COL11A1: variants seen among roughly 807,000 people sequenced by gnomAD.
The protein encoded by COL11A1 is collagen alpha-1(XI) chain.
COL11A1 carries 74 observed loss-of-function variants against 265.2 expected under a neutral mutation model. That is an observed-to-expected ratio of 0.28 (90% CI 0.23 to 0.34). The LOEUF is 0.34. Among genes scored for constraint, COL11A1 ranks in the 10% least tolerant of loss-of-function variants. The pLI is 1.00. For missense variants in COL11A1, 2,165 were observed against 2,263.6 expected, an observed-to-expected ratio of 0.96 and a Z score of 0.88; for synonymous variants, 816 against 727.6, an observed-to-expected ratio of 1.12 and a Z score of -1.96.
chr1:102,926,195 C>G (rs1008798876), intron 46 of COL11A1, among the ~76,000 whole-genome samples: 2 of 152,098 alleles, frequency 1.3e-5, no homozygotes, highest in African/African-American at 4.8e-5. Flanking sequence ...GAACTAAACA[C>G]TCTGAAAAGC....
intron 35 of COL11A1, among the ~76,000 whole-genome samples, chr1:102,976,289 C>CTTTTTTTTTTTTTTTTCTTTTTTTTTTTT (rs1662467180): frequency 1.7e-5 from 1 of 58,578 alleles, no homozygotes; most frequent in Non-Finnish European, 3.2e-5. Context: ...AAAACGTTGG[C>CTTTTTTTTTTTTTTTTCTTTTTTTTTTTT]TTTTTTTTTT....
chr1:103,095,615 A>T (rs1673691995), intron 1 of COL11A1, among the ~76,000 whole-genome samples: 1 of 152,060 alleles, frequency 6.6e-6, no homozygotes, highest in Non-Finnish European at 1.5e-5. Context: ...AATATGTCTC[A>T]ACAAAGGGAT....
In COL11A1 at chr1:102,998,377, A is replaced by G; in HGVS notation, c.2143-14T>C. On this transcript the variant is annotated splice_polypyrimidine_tract_variant and intron_variant, in intron 24 of 66. Transcript: ENST00000370096. ...TCCTTGTGGTCCCTTATAGAGAAAA[A>G]AAAAATATTAAAAAGATAAAAATAA... The G allele has an allele frequency of 6.5e-7, 1 of 1,528,096 alleles. No homozygotes were observed. Among genetic ancestry groups the G allele is most frequent in the Non-Finnish European group, 8.8e-7 (1 of 1,135,296 alleles). The allele number at this position is 1,528,096 out of a possible 1,614,324, so 94.7% of individuals were successfully genotyped here. A position where few individuals can be genotyped will look rare whatever the true frequency, so the allele number is the denominator to read the frequency against.
chr1:103,071,234 T>C (rs1273470182), intron 4 of COL11A1, among the ~76,000 whole-genome samples: 1 of 149,452 alleles, frequency 6.7e-6, no homozygotes, highest in African/African-American at 2.4e-5. Flanking sequence ...TGCAATAATC[T>C]GTTTTGATTA....
chr1:102,921,179 G>A (rs1655951924), intron 48 of COL11A1, among the ~76,000 whole-genome samples: 1 of 152,260 alleles, frequency 6.6e-6, no homozygotes, highest in African/African-American at 2.4e-5. Flanking sequence ...CTGTTAACAA[G>A]TGCATAAGAG....
chr1:103,004,588 G>T lies in COL11A1; in HGVS notation c.1899+20C>A. ...TGTTTTAATTTTAAATATTTCTTAAGAAAAGAAGTATTAACATACCCTCAT... is the reference window on the plus strand; with the variant it reads ...TGTTTTAATTTTAAATATTTCTTAATAAAAGAAGTATTAACATACCCTCAT... On this transcript the variant is annotated intron_variant, in intron 19 of 66. Coordinates refer to ENST00000370096, the MANE Select transcript of COL11A1 (RefSeq NM_001854.4). The T allele has an allele frequency of 6.3e-7, 1 of 1,598,494 alleles. No individual in the cohort carries two copies. Among genetic ancestry groups the T allele is most frequent in the Non-Finnish European group, 8.5e-7 (1 of 1,170,410 alleles).
In COL11A1 at chr1:103,108,136, A is replaced by T. The variant is rs774767622; in HGVS notation, c.43T>A (p.Trp15Arg). ...GCGAGGGTTGTTACGGTGAAATCCC[A>T]GAGCCACCGTTTCGTTTTCCACCTA... Reference protein sequence around the residue: ...SSRWKTKRWLWDFTVTTLALT... With the variant: ...SSRWKTKRWLRDFTVTTLALT... The change falls in exon 1 of 67, where the codon TGG becomes AGG. Residue 15 changes from tryptophan to arginine, a missense_variant. Physicochemically the swap from Trp to Arg is moderately radical, Grantham distance 101. Coordinates refer to ENST00000370096, the MANE Select transcript of COL11A1 (RefSeq NM_001854.4). 6.2e-7 allele frequency: 1 copy of T among 1,613,828 alleles called. No homozygotes were observed. The highest frequency in any genetic ancestry group is 1.7e-5 in the Admixed American group (1 of 60,014).
rs573242182 is a variant in COL11A1 at position 102,896,139 on chromosome 1, T to G, written c.4302+1986A>C. Among the ~76,000 whole-genome samples the G allele has an allele frequency of 1.3e-4, 20 of 151,684 alleles. No homozygotes were observed. In the South Asian group the frequency reaches 3.9e-3, roughly 30 times the overall value. Reference sequence around the variant, plus strand: ...GAAGATATCCATATCCCAATTGAACTCACTTAAACTTTAGAAATATCACTG... The same window carrying G: ...GAAGATATCCATATCCCAATTGAACGCACTTAAACTTTAGAAATATCACTG... On this transcript the variant is annotated intron_variant, in intron 57 of 66. Transcript: ENST00000370096.
At chr1:103,006,945 TA>T (rs1665684207) in intron 15 of COL11A1, among the ~76,000 whole-genome samples, 1 of 152,206 alleles carries the variant, frequency 6.6e-6, no homozygotes, top group Non-Finnish European at 1.5e-5. Context: ...AACACACTCT[TA>T]ACTATCCATT....
intron 64 of COL11A1, among the ~76,000 whole-genome samples, chr1:102,882,158 G>A (rs1163404799): frequency 2.4e-5 from 3 of 127,632 alleles, no homozygotes; most frequent in Middle Eastern, 3.8e-3. Flanking sequence ...CATAGCCAAG[G>A]AACATGTTTG....
At chr1:103,048,582 G>T (rs937985635) in intron 4 of COL11A1, among the ~76,000 whole-genome samples, 6 of 151,948 alleles carry the variant, frequency 3.9e-5, no homozygotes, top group African/African-American at 1.2e-4. Context: ...GAAGGGTTTT[G>T]TGTGTCTCTA....
intron 14 of COL11A1, among the ~76,000 whole-genome samples, chr1:103,008,826 A>C (rs1665869759): frequency 6.6e-6 from 1 of 152,194 alleles, no homozygotes; most frequent in South Asian, 2.1e-4. Flanking sequence ...ATATGATGAC[A>C]CACAAAGCAT....
chr1:103,047,816 T>C (rs148674131), intron 4 of COL11A1, among the ~76,000 whole-genome samples: 4 of 152,032 alleles, frequency 2.6e-5, no homozygotes, highest in Non-Finnish European at 4.4e-5. Flanking sequence ...GCATGAAGGG[T>C]TGTTGAATTT....
At chr1:102,880,219 T>G (rs1038750299) in intron 65 of COL11A1, among the ~76,000 whole-genome samples, 3 of 152,148 alleles carry the variant, frequency 2.0e-5, no homozygotes, top group African/African-American at 7.2e-5. Context: ...TTCCAAGAAA[T>G]GTTTCAATAT....
At chr1:102,935,661 G>A (rs2101228904) in intron 44 of COL11A1, among the ~76,000 whole-genome samples, 1 of 152,284 alleles carries the variant, frequency 6.6e-6, no homozygotes, top group African/African-American at 2.4e-5. Context: ...AAGACATTAT[G>A]AGTCTTACAT....
At chr1:103,025,893 T>A (rs1239560365) in intron 6 of COL11A1, 1 of 1,613,210 alleles carries the variant, frequency 6.2e-7, no homozygotes, top group Non-Finnish European at 8.5e-7. Context: ...ACTTTTTGGA[T>A]TTTTCCTTTG....
At chr1:103,063,371 T>C (rs1470913252) in intron 4 of COL11A1, among the ~76,000 whole-genome samples, 1 of 152,112 alleles carries the variant, frequency 6.6e-6, no homozygotes, top group Non-Finnish European at 1.5e-5. Context: ...AACTGATAAG[T>C]AGATCAATGG....
intron 44 of COL11A1, 38 bp from the exon 45 acceptor site, chr1:102,935,151 G>C (rs1386579548): frequency 6.5e-7 from 1 of 1,540,216 alleles, no homozygotes; most frequent in Non-Finnish European, 9.0e-7. Flanking sequence ...TTAAAGTGAA[G>C]CCAGAAGAGC....
At chr1:102,983,664 T>C (rs1663252156) in intron 31 of COL11A1, among the ~76,000 whole-genome samples, 1 of 152,016 alleles carries the variant, frequency 6.6e-6, no homozygotes, top group Non-Finnish European at 1.5e-5. Context: ...TGTAAGGCAG[T>C]GAATTTCTGT....
Sources: gnomAD v4.1 joint callset for allele counts (sites outside exome capture counted in the v4.1 genomes callset) on GRCh38, gnomAD v4.1.1 for gene constraint, MANE v1.5 for transcripts, NCBI Gene and HGNC (gene_info 2026-07-23, HGNC 2026-07-21) for gene names.